The following TTN variants were observed in gnomAD, a reference collection of about 807,000 sequenced individuals.
TTN encodes the protein connectin.
A neutral mutation model predicts 3,223.0 loss-of-function variants in TTN; 1,525 were observed. The observed-to-expected ratio is 0.47, with a 90% CI of 0.45 to 0.49. The LOEUF is 0.49. Ranked by LOEUF, TTN falls within the 20% of genes least tolerant of loss-of-function variation. The pLI is 0.00. For missense variants in TTN, 40,786 were observed against 43,424.0 expected (o/e 0.94, Z 5.40); for synonymous variants, 14,094 against 15,161.0 (o/e 0.93, Z 5.17).
At position 178,739,153 on chromosome 2, in the gene TTN, C is replaced by T. The variant is rs2082041686; in HGVS notation, c.14080G>A (p.Val4694Ile). The change falls in exon 48 of 363, where the codon GTA (valine) becomes ATA (isoleucine). Residue 4694 changes from valine to isoleucine, a missense_variant. Coordinates refer to ENST00000589042, the MANE Select transcript of TTN (RefSeq NM_001267550.2). ...GKTATSAKLT[V>I]VKRAAPVIKR... The stretch of plus-strand genomic sequence containing the variant: ...CTTAAAATCCAACCTCTTTTTACTA[C>T]AGTGAGTTTGGCTGAAGTTGCTGTT... The T allele has an allele frequency of 2.6e-6, 4 of 1,510,942 alleles. No individual in the cohort carries two copies. The highest frequency in any genetic ancestry group is 1.4e-5 in the South Asian group (1 of 71,676). The allele number at this position is 1,510,942 out of a possible 1,614,324, so 93.6% of individuals were successfully genotyped here.
In TTN at chr2:178,547,898, G is replaced by A; in HGVS notation, c.93728C>T (p.Pro31243Leu). Reference sequence around the variant, plus strand: ...CAGTTTCCATGTTACTTTGGGGGCAGGACGACCACTGATTGGTACGTCAAT... The same window carrying A: ...CAGTTTCCATGTTACTTTGGGGGCAAGACGACCACTGATTGGTACGTCAAT... Reference protein sequence around the residue: ...FTIDVPISGRPAPKVTWKLEE... With the variant: ...FTIDVPISGRLAPKVTWKLEE... Residue 31243 changes from proline (P) to leucine (L), a missense_variant, in exon 339 of 363, where the codon CCT (proline) becomes CTT (leucine). Coordinates refer to ENST00000589042, the MANE Select transcript of TTN (RefSeq NM_001267550.2). 1 of 1,613,796 alleles carries A rather than the reference G, an allele frequency of 6.2e-7. No individual in the cohort carries two copies. The highest frequency in any genetic ancestry group is 8.5e-7 in the Non-Finnish European group (1 of 1,179,822).
chr2:178,626,724 A>G (rs992649637), intron 240 of TTN, among the ~76,000 whole-genome samples: 1 of 151,986 alleles, frequency 6.6e-6, no homozygotes, highest in South Asian at 2.1e-4. Context: ...ATCCGAGGGC[A>G]TGGTGCTGAA....
rs576644663 is a variant in TTN at position 178,770,479 on chromosome 2, G to A, written c.8313C>T (p.Ile2771=). ...IYSLRIKNCA[I]VDESVYGFRL... is the part of the protein sequence containing the mutation. ...TGAAGCCATAAACAGACTCATCCAC[G>A]ATGGCACAGTTTTTAATCCTCAGAG... Residue 2771 remains isoleucine (I), a synonymous_variant, in exon 35 of 363, where the codon ATC becomes ATT. Coordinates refer to ENST00000589042, the MANE Select transcript of TTN (RefSeq NM_001267550.2). 9.3e-6 allele frequency: 15 copies of A among 1,614,114 alleles called. No individual in the cohort carries two copies. The highest frequency in any genetic ancestry group is 3.3e-5 in the Admixed American group (2 of 60,016).
Position 178,559,540 on chromosome 2 carries a change from T to C in TTN, c.86592A>G (p.Leu28864=), listed in dbSNP as rs199815116. Residue 28864 remains leucine (L), a synonymous_variant, in exon 326 of 363, where the codon TTA becomes TTG. Transcript: ENST00000589042. ...VQDVTKESAV[L]SWDVPENDGG... is the part of the protein sequence containing the mutation. ...CATCGTTTTCAGGAACATCCCAGGA[T>C]AACACTGCAGACTCTTTGGTTACAT... 2.5e-6 allele frequency: 4 copies of C among 1,613,746 alleles called. No individual in the cohort carries two copies. The highest frequency in any genetic ancestry group is 3.4e-6 in the Non-Finnish European group (4 of 1,179,772).
At chr2:178,733,552 C>T in intron 53 of TTN, 35 bp from the exon 54 acceptor site, 1 of 1,598,232 alleles carries the variant, frequency 6.3e-7, no homozygotes, top group Non-Finnish European at 8.5e-7. Flanking sequence ...ACCCTAAATG[C>T]TTGTTAGGGT....
chr2:178,541,713 C>T (rs910863349), intron 349 of TTN, 129 bp from the exon 350 acceptor site: 2 of 587,776 alleles, frequency 3.4e-6, no homozygotes, highest in East Asian at 3.5e-5. Context: ...ACTATTTTTC[C>T]AATAGTTTCA....
In TTN at chr2:178,570,764, A is replaced by G. The variant is rs1456861699; in HGVS notation, c.75368T>C (p.Val25123Ala). 4 of 1,613,472 alleles carry G rather than the reference A, an allele frequency of 2.5e-6. No homozygotes were observed. The highest frequency in any genetic ancestry group is 3.4e-6 in the Non-Finnish European group (4 of 1,179,592). The change falls in exon 326 of 363, where the codon GTT becomes GCT. Residue 25123 changes from valine to alanine, a missense_variant. Transcript: ENST00000589042. ...MDPKYKDTIV[V>A]HAGESFKVDA... ...AACCTTGAATGATTCACCAGCATGA[A>G]CCACGATTGTGTCTTTGTATTTTGG... is the stretch of plus-strand genomic sequence containing the variant.
intron 211 of TTN, 36 bp downstream of exon 211, chr2:178,649,781 A>T (rs2742356): frequency 3.1e-6 from 5 of 1,598,108 alleles, no homozygotes; most frequent in Non-Finnish European, 4.3e-6. Flanking sequence ...AATTGTAGAC[A>T]CCACAAAAAT....
chr2:178,584,458 C>T lies in TTN; in HGVS notation c.65093G>A (p.Arg21698His), dbSNP rs371581072. Residue 21698 changes from arginine to histidine, a missense_variant, in exon 311 of 363, where the codon CGC (arginine) becomes CAC (histidine). Coordinates refer to ENST00000589042, the MANE Select transcript of TTN (RefSeq NM_001267550.2). ...CCACAGCAAACTGTTTCTTTCCTTG[C>T]GTTCAATCAGATAACCAATAATGGG... is the stretch of plus-strand genomic sequence containing the variant. Reference protein sequence around the residue: ...GSPIIGYLIERKERNSLLWVK... With the variant: ...GSPIIGYLIEHKERNSLLWVK... The T allele has an allele frequency of 2.0e-5, 33 of 1,613,256 alleles. No homozygotes were observed. The highest frequency in any genetic ancestry group is 4.4e-5 in the South Asian group (4 of 91,068).
intron 344 of TTN, 84 bp from the exon 345 acceptor site, chr2:178,544,590 A>G: frequency 8.3e-7 from 1 of 1,205,438 alleles, no homozygotes; most frequent in Non-Finnish European, 1.2e-6. Flanking sequence ...AAGACTCACA[A>G]AGGCATTATT....
In TTN at chr2:178,718,904, C is replaced by T. The variant is rs1194437921; in HGVS notation, c.24296G>A (p.Ser8099Asn). ...VLPGMSLTFT[S>N]VIRGTPPFKV... ...GAAAGGAGGGGTGCCTCTGATGACA[C>T]TGGTGAATGTGAGGCTCATTCCAGG... Residue 8099 changes from serine to asparagine, a missense_variant, in exon 84 of 363, where the codon AGT becomes AAT. Transcript: ENST00000589042. 1.2e-6 allele frequency: 2 copies of T among 1,613,330 alleles called. No individual in the cohort carries two copies. The highest frequency in any genetic ancestry group is 1.1e-5 in the South Asian group (1 of 91,008).
Position 178,609,372 on chromosome 2 carries a change from G to T in TTN, c.51938C>A (p.Pro17313Gln), listed in dbSNP as rs372927085. Residue 17313 changes from proline to glutamine, a missense_variant, in exon 273 of 363, where the codon CCA (proline) becomes CAA (glutamine). Coordinates refer to ENST00000589042, the MANE Select transcript of TTN (RefSeq NM_001267550.2). ...ACGCTGTGTCAGAGGCAGGACAAAT[G>T]GTTCTTCTTCTTGAACTTCACCCTT... ...RRKGEVQEEE[P>Q]FVLPLTQRLS... 1.2e-6 allele frequency: 2 copies of T among 1,612,258 alleles called. No individual in the cohort carries two copies. Among genetic ancestry groups the T allele is most frequent in the Non-Finnish European group, 1.7e-6 (2 of 1,179,020 alleles).
chr2:178,665,033 C>G, intron 165 of TTN, 107 bp from the exon 166 acceptor site: 1 of 1,307,788 alleles, frequency 7.6e-7, no homozygotes, highest in South Asian at 1.4e-5. Context: ...TTTCCTCCAT[C>G]CTCCCTTTGT....
At chr2:178,681,207 C>T (rs750730281) in intron 137 of TTN, 36 bp from the exon 138 acceptor site, 1 of 1,550,698 alleles carries the variant, frequency 6.4e-7, no homozygotes, top group Non-Finnish European at 8.8e-7. Context: ...GCATTAAAAC[C>T]AACTCCTTGA....
chr2:178,548,623 G>A lies in TTN; in HGVS notation c.93003C>T (p.Asn31001=). The change falls in exon 339 of 363, where the codon AAC becomes AAT. Residue 31001 remains asparagine (N), a synonymous_variant. Coordinates refer to ENST00000589042, the MANE Select transcript of TTN (RefSeq NM_001267550.2). The surrounding 1 kb of genome is among the most constrained non-coding windows in gnomAD (Gnocchi z 4.3). ...AGKYTLTVEN[N]SGSKSITFTV... is the part of the protein sequence containing the mutation. ...TGAATGTGATTGACTTACTACCACT[G>A]TTGTTTTCCACAGTAAGGGTATATT... 6.2e-7 allele frequency: 1 copy of A among 1,613,872 alleles called. No homozygotes were observed. Among genetic ancestry groups the A allele is most frequent in the Non-Finnish European group, 8.5e-7 (1 of 1,179,800 alleles).
chr2:178,714,246 G>A (rs1027155538), intron 91 of TTN, 46 bp downstream of exon 91: 2 of 1,596,768 alleles, frequency 1.3e-6, no homozygotes, highest in South Asian at 2.3e-5. Flanking sequence ...ACAGATCCTG[G>A]TGAGTGTGTG....
intron 309 of TTN, 33 bp from the exon 310 acceptor site, chr2:178,585,001 C>A (rs774331076): frequency 1.2e-6 from 2 of 1,608,012 alleles, no homozygotes; most frequent in African/African-American, 1.3e-5. Context: ...AATGTAAGAA[C>A]AAGGATTTGA....
rs72646862 is a variant in TTN at position 178,584,240 on chromosome 2, A to AAAC, written c.65275+33_65275+35dup. 61,466 of 1,522,486 alleles carry AAAC rather than the reference A, an allele frequency of 0.04. 2,596 individuals carry two copies. Among genetic ancestry groups the AAAC allele is most frequent in the Admixed American group, 0.17 (7,781 of 46,052 alleles). The allele number at this position is 1,522,486 out of a possible 1,614,324, so 94.3% of individuals were successfully genotyped here. ...ATTTAAATGTGCCTCCATAATACTA[A>AAAC]AACAACAACAACAATAAAAAAACCC... On this transcript the variant is annotated intron_variant, in intron 311 of 362. Coordinates refer to ENST00000589042, the MANE Select transcript of TTN (RefSeq NM_001267550.2).
Position 178,652,927 on chromosome 2 carries a change from T to C in TTN, c.38880A>G (p.Pro12960=), listed in dbSNP as rs2742354. Reference sequence around the variant, plus strand: ...CAGGAACAACCTCTATGGGAGCCTCTGGCACTTAAAAGATATTAGTGAAAT... The same window carrying C: ...CAGGAACAACCTCTATGGGAGCCTCCGGCACTTAAAAGATATTAGTGAAAT... ...KKPEVPPVKV[P]EAPIEVVPEK... Residue 12960 remains proline, a synonymous_variant, in exon 200 of 363, where the codon CCA becomes CCG. Coordinates refer to ENST00000589042, the MANE Select transcript of TTN (RefSeq NM_001267550.2). The C allele has an allele frequency of 0.026, 41,251 of 1,606,042 alleles. 735 individuals are homozygous for C. The highest frequency in any genetic ancestry group is 0.092 in the East Asian group (4,102 of 44,758).
Sources: allele counts gnomAD v4.1 joint callset (sites outside exome capture counted in the v4.1 genomes callset), GRCh38; gene constraint gnomAD v4.1.1; non-coding constraint Gnocchi (gnomAD v3.1); transcripts MANE v1.5; gene names NCBI Gene and HGNC (gene_info 2026-07-23, HGNC 2026-07-21).